The following ZNF385D variants were observed in gnomAD, a reference collection of about 807,000 sequenced individuals.
ZNF385D encodes zinc finger protein 659.
A neutral mutation model predicts 35.8 loss-of-function variants in ZNF385D; 15 were observed. The ratio of observed to expected loss-of-function variants is 0.42; its 90% CI spans 0.28 to 0.64. The LOEUF is 0.64. ZNF385D is among the 30% of genes least tolerant of loss of function. The pLI, the probability that ZNF385D is intolerant of heterozygous loss-of-function variation, is 0.23. For missense variants in ZNF385D, 474 were observed against 494.6 expected (o/e 0.96, Z 0.39); for synonymous variants, 212 against 186.8 (o/e 1.13, Z -1.10).
At chr3:21,461,374 C>T (rs1226644013) in intron 4 of ZNF385D, among the ~76,000 whole-genome samples, 1 of 152,048 alleles carries the variant, frequency 6.6e-6, no homozygotes. Flanking sequence ...ACAGTGAAAC[C>T]CTGTCTCTAC....
At chr3:21,508,034 T>C (rs1453400427) in intron 4 of ZNF385D, among the ~76,000 whole-genome samples, 1 of 152,184 alleles carries the variant, frequency 6.6e-6, no homozygotes, top group Non-Finnish European at 1.5e-5. Context: ...GTTTTGTTTT[T>C]TCCTGATATA....
chr3:21,511,612 C>T (rs1707211224), intron 3 of ZNF385D: 1 of 440,746 alleles, frequency 2.3e-6, no homozygotes, highest in Non-Finnish European at 4.5e-6. Flanking sequence ...TCTTTCTCCT[C>T]ACTTCTTACC....
intron 2 of ZNF385D, among the ~76,000 whole-genome samples, chr3:22,335,403 T>C (rs9880567): frequency 0.29 from 43,910 of 152,070 alleles, 6,595 homozygotes; most frequent in African/African-American, 0.34. Context: ...AAGCATTAGA[T>C]GTGGTCTAAT....
At chr3:22,327,969 G>C (rs142099632) in intron 2 of ZNF385D, among the ~76,000 whole-genome samples, 2 of 152,098 alleles carry the variant, frequency 1.3e-5, no homozygotes, top group Admixed American at 1.3e-4. Context: ...AACATTAAGC[G>C]CCTAATATAT....
chr3:21,634,161 C>A (rs892520135), intron 2 of ZNF385D, among the ~76,000 whole-genome samples: 2 of 151,754 alleles, frequency 1.3e-5, no homozygotes, highest in East Asian at 3.9e-4. Context: ...CATGCCACTG[C>A]ACTCCAACCT....
chr3:22,207,965 T>C (rs1332037783), intron 2 of ZNF385D, among the ~76,000 whole-genome samples: 1 of 151,826 alleles, frequency 6.6e-6, no homozygotes, highest in Non-Finnish European at 1.5e-5. Context: ...AGGGAACCCA[T>C]GTACACTGTG....
chr3:21,994,113 G>A (rs1695316902), intron 3 of ZNF385D, among the ~76,000 whole-genome samples: 1 of 152,116 alleles, frequency 6.6e-6, no homozygotes, highest in African/African-American at 2.4e-5. Context: ...TTCTCTTACT[G>A]GGATATGGTT....
intron 3 of ZNF385D, among the ~76,000 whole-genome samples, chr3:21,537,804 T>C (rs2062072594): frequency 6.6e-6 from 1 of 152,070 alleles, no homozygotes; most frequent in South Asian, 2.1e-4. Context: ...GGATTTTGCC[T>C]TTTAATCTAA....
intron 2 of ZNF385D, among the ~76,000 whole-genome samples, chr3:21,569,802 G>T (rs746161172): frequency 6.7e-6 from 1 of 149,520 alleles, no homozygotes; most frequent in South Asian, 2.1e-4. Flanking sequence ...GTAAACTATC[G>T]CAAGGACAAA....
chr3:21,825,966 T>C (rs1694589390), intron 3 of ZNF385D, among the ~76,000 whole-genome samples: 1 of 152,136 alleles, frequency 6.6e-6, no homozygotes, highest in South Asian at 2.1e-4. Context: ...ATGCGAGGGA[T>C]CTAGGTTGGG....
chr3:21,716,016 G>A (rs1358352465), intron 1 of ZNF385D, among the ~76,000 whole-genome samples: 1 of 151,976 alleles, frequency 6.6e-6, no homozygotes, highest in African/African-American at 2.4e-5. Context: ...ATTCAACTTT[G>A]AATAACTTTG....
At chr3:21,654,849 G>T (rs1422164464) in intron 2 of ZNF385D, among the ~76,000 whole-genome samples, 1 of 152,022 alleles carries the variant, frequency 6.6e-6, no homozygotes, top group Non-Finnish European at 1.5e-5. Context: ...ACTTTGAGAA[G>T]TACTGAGTCA....
chr3:21,675,718 A>G (rs1332823486), intron 1 of ZNF385D, among the ~76,000 whole-genome samples: 1 of 152,118 alleles, frequency 6.6e-6, no homozygotes, highest in Non-Finnish European at 1.5e-5. Flanking sequence ...TTTCATAAGC[A>G]TCTTGCCTCC....
At chr3:21,818,737 T>C (rs188418257) in intron 3 of ZNF385D, among the ~76,000 whole-genome samples, 13 of 152,130 alleles carry the variant, frequency 8.5e-5, no homozygotes, top group Admixed American at 2.6e-4. Flanking sequence ...ATGTTGATAA[T>C]TGTGGAGGTA....
intron 3 of ZNF385D, among the ~76,000 whole-genome samples, chr3:21,981,799 G>T (rs896272518): frequency 2.0e-5 from 3 of 152,110 alleles, no homozygotes; most frequent in African/African-American, 7.2e-5. Context: ...AGTTTTCCCA[G>T]CACCATTTAT....
chr3:22,279,513 T>G (rs1701611220), intron 2 of ZNF385D, among the ~76,000 whole-genome samples: 2 of 134,710 alleles, frequency 1.5e-5, no homozygotes, highest in African/African-American at 6.7e-5. Context: ...CATATATATG[T>G]ATATACATAT....
At chr3:22,050,099 C>T (rs979699487) in intron 3 of ZNF385D, among the ~76,000 whole-genome samples, 12 of 151,870 alleles carry the variant, frequency 7.9e-5, no homozygotes, top group African/African-American at 2.9e-4. Flanking sequence ...GGTGCAGTGG[C>T]TCATGCCTGT....
At chr3:22,002,388 G>A (rs1695896129) in intron 3 of ZNF385D, among the ~76,000 whole-genome samples, 2 of 152,038 alleles carry the variant, frequency 1.3e-5, no homozygotes, top group Admixed American at 6.6e-5. Flanking sequence ...CACAACTGAA[G>A]CAGGAATGAA....
chr3:21,521,050 T>C lies in ZNF385D; in HGVS notation c.277-10027A>G, dbSNP rs565739463. On this transcript the variant is annotated intron_variant, in intron 3 of 7. Transcript: ENST00000281523. ...AAAGAAGGTCTTCCCTCTATAGTTT[T>C]GTAGAATTTGCAATCTCTAATTCAT... Among the ~76,000 whole-genome samples the C allele has an allele frequency of 3.2e-4, 48 of 152,336 alleles. 1 individual carries two copies. In the South Asian group the frequency reaches 5.0e-3, roughly 16 times the overall value.
Sources: gnomAD v4.1 joint callset for allele counts (sites outside exome capture counted in the v4.1 genomes callset) on GRCh38, gnomAD v4.1.1 for gene constraint, MANE v1.5 for transcripts, NCBI Gene and HGNC (gene_info 2026-07-23, HGNC 2026-07-21) for gene names.